NSG2: variants seen among roughly 807,000 people sequenced by gnomAD.
NSG2 encodes the protein neuronal vesicle trafficking-associated protein 2.
Under a neutral mutation model 16.9 loss-of-function variants are expected in NSG2, and 4 were observed. The ratio of observed to expected loss-of-function variants is 0.24; its 90% CI spans 0.12 to 0.54. The LOEUF (loss-of-function observed/expected upper bound fraction) is 0.54, where lower values mean the gene tolerates loss of function less well. NSG2 is among the 20% of genes least tolerant of loss of function. NSG2 has a pLI of 0.95. For missense variants in NSG2, 179 were observed against 221.1 expected (o/e 0.81, Z 1.21); for synonymous variants, 98 against 88.7 (o/e 1.11, Z -0.59).
chr5:174,091,896 A>C (rs1399196653), intron 3 of NSG2, among the ~76,000 whole-genome samples: 1 of 152,178 alleles, frequency 6.6e-6, no homozygotes, highest in African/African-American at 2.4e-5. Flanking sequence ...GAAAACCAGG[A>C]ATATCAACAG....
chr5:174,087,890 G>T (rs185082736), intron 3 of NSG2, among the ~76,000 whole-genome samples: 1 of 151,990 alleles, frequency 6.6e-6, no homozygotes, highest in African/African-American at 2.4e-5. Context: ...AATCATCTTG[G>T]ATATGAGAGC....
At chr5:174,079,207 A>G (rs1760402811) in intron 3 of NSG2, among the ~76,000 whole-genome samples, 1 of 151,600 alleles carries the variant, frequency 6.6e-6, no homozygotes, top group Non-Finnish European at 1.5e-5. Context: ...TAGGTAGGAA[A>G]TGGCCCTTCC....
intron 1 of NSG2, among the ~76,000 whole-genome samples, chr5:174,046,344 A>G (rs1322932043): frequency 1.4e-5 from 2 of 145,872 alleles, no homozygotes; most frequent in African/African-American, 5.4e-5. Context: ...GAAATTTATC[A>G]TACTGCAGGC....
chr5:174,105,981 A>G lies in NSG2; in HGVS notation c.325-1333A>G, dbSNP rs536997259. 1.1e-4 allele frequency among the ~76,000 whole-genome samples: 17 copies of G among 152,302 alleles called. No homozygotes were observed. In the East Asian group the frequency reaches 2.7e-3, roughly 24 times the overall value. On this transcript the variant is annotated intron_variant, in intron 4 of 4. Transcript: ENST00000303177. ...CAGTTGAATAAACTGTGACACATCC[A>G]CCCAGTGGACGTCACTACAACTGGG...
chr5:174,055,920 G>T (rs959535162), intron 2 of NSG2: 1 of 152,210 alleles, frequency 6.6e-6, no homozygotes, highest in African/African-American at 2.4e-5. Context: ...TTTACCCTGT[G>T]TTCACGGCCC....
At chr5:174,068,600 T>C (rs72814776) in intron 3 of NSG2, among the ~76,000 whole-genome samples, 17,360 of 138,046 alleles carry the variant, frequency 0.13, 1,197 homozygotes, top group African/African-American at 0.21. Context: ...TGGTGCTATA[T>C]AGGGTTCTGG....
chr5:174,080,512 C>CTCTCTCTCTCTCT (rs1561668573), intron 3 of NSG2, among the ~76,000 whole-genome samples: 14 of 93,618 alleles, frequency 1.5e-4, no homozygotes, highest in South Asian at 7.2e-4. Context: ...TCTTTCTTTC[C>CTCTCTCTCTCTCT]CTCTTTCTTT....
chr5:174,070,796 A>G (rs1021965806), intron 3 of NSG2, among the ~76,000 whole-genome samples: 3 of 152,020 alleles, frequency 2.0e-5, no homozygotes, highest in Non-Finnish European at 2.9e-5. Context: ...TGCCTGGCCT[A>G]TCCCGCACCT....
At chr5:174,090,788 G>GC (rs1343912962) in intron 3 of NSG2, among the ~76,000 whole-genome samples, 3 of 152,332 alleles carry the variant, frequency 2.0e-5, no homozygotes, top group African/African-American at 4.8e-5. Context: ...GGGCAGAAAT[G>GC]CCGTCTTCCC....
chr5:174,056,433 T>C (rs1263368112), intron 2 of NSG2: 3 of 152,190 alleles, frequency 2.0e-5, no homozygotes, highest in African/African-American at 4.8e-5. Flanking sequence ...TGAATGTAGC[T>C]CAACCCGAGG....
intron 2 of NSG2, among the ~76,000 whole-genome samples, chr5:174,052,322 A>G (rs1759902171): frequency 6.6e-6 from 1 of 151,980 alleles, no homozygotes; most frequent in Non-Finnish European, 1.5e-5. Context: ...GGCTAGTGGT[A>G]TTGAGATGTG....
chr5:174,098,734 A>C lies in NSG2; in HGVS notation c.214-5494A>C, dbSNP rs549387920. Among the ~76,000 whole-genome samples the C allele has an allele frequency of 1.1e-4, 17 of 152,278 alleles. No individual in the cohort carries two copies. The East Asian group carries it at 3.3e-3, about 29-fold the overall frequency. Reference sequence around the variant, plus strand: ...CCTTGAGGCAATGGCTGTGCACAGCATCCGGCTCACAGTAGGCCCTTTAGT... The same window carrying C: ...CCTTGAGGCAATGGCTGTGCACAGCCTCCGGCTCACAGTAGGCCCTTTAGT... On this transcript the variant is annotated intron_variant, in intron 3 of 4. Coordinates refer to ENST00000303177, the MANE Select transcript of NSG2 (RefSeq NM_015980.5).
chr5:174,077,842 A>C (rs1298060450), intron 3 of NSG2, among the ~76,000 whole-genome samples: 2 of 152,174 alleles, frequency 1.3e-5, no homozygotes, highest in Non-Finnish European at 2.9e-5. Context: ...TGGGGCCTTG[A>C]ATACAGTAGG....
At chr5:174,059,682 G>A (rs921796565) in intron 2 of NSG2, among the ~76,000 whole-genome samples, 4 of 152,128 alleles carry the variant, frequency 2.6e-5, no homozygotes, top group Admixed American at 6.5e-5. Context: ...CAGGCAAGGT[G>A]CAATCCCGGG....
chr5:174,105,964 T>G (rs1332772406), intron 4 of NSG2, among the ~76,000 whole-genome samples: 3 of 152,070 alleles, frequency 2.0e-5, no homozygotes, highest in Non-Finnish European at 4.4e-5. Flanking sequence ...GACAGTTGAA[T>G]AAACTGTGAC....
At chr5:174,094,010 A>G (rs1289226802) in intron 3 of NSG2, among the ~76,000 whole-genome samples, 1 of 152,240 alleles carries the variant, frequency 6.6e-6, no homozygotes, top group African/African-American at 2.4e-5. Flanking sequence ...AGTTTACAGT[A>G]TGCATCGTGC....
chr5:174,101,838 C>A (rs1760900215), intron 3 of NSG2, among the ~76,000 whole-genome samples: 2 of 152,170 alleles, frequency 1.3e-5, no homozygotes, highest in Non-Finnish European at 1.5e-5. Context: ...TGGGTGGCCT[C>A]CTTTCCTGTA....
chr5:174,049,319 G>A (rs1759850516), intron 2 of NSG2, among the ~76,000 whole-genome samples: 1 of 152,042 alleles, frequency 6.6e-6, no homozygotes. Context: ...CAGCCTGGGC[G>A]ACAGAGCGAG....
chr5:174,067,098 G>C (rs1175618036), intron 3 of NSG2, among the ~76,000 whole-genome samples: 1 of 151,184 alleles, frequency 6.6e-6, no homozygotes, highest in Non-Finnish European at 1.5e-5. Flanking sequence ...GATTAAGATT[G>C]TATGCTTTCT....
Sources: allele counts gnomAD v4.1 joint callset (sites outside exome capture counted in the v4.1 genomes callset), GRCh38; gene constraint gnomAD v4.1.1; transcripts MANE v1.5; gene names NCBI Gene and HGNC (gene_info 2026-07-23, HGNC 2026-07-21).